The following FZR1 variants were observed in gnomAD, a reference collection of about 807,000 sequenced individuals.
FZR1 encodes fizzy and cell division cycle 20 related 1.
A neutral mutation model predicts 63.6 loss-of-function variants in FZR1; 11 were observed. The observed-to-expected ratio is 0.17, with a 90% CI of 0.11 to 0.29. The LOEUF is 0.29. Ranked by LOEUF, FZR1 falls within the 10% of genes least tolerant of loss-of-function variation. FZR1 has a pLI of 1.00. For synonymous variants in FZR1, 328 were observed against 297.9 expected (o/e 1.10, Z -1.04); for missense variants, 440 against 687.5 (o/e 0.64, Z 4.03).
chr19:3,526,297 C>T lies in FZR1; in HGVS notation c.298C>T (p.Leu100=), dbSNP rs1218684445. ...CTCTGCCCTGCTCAAGAATGAGCTG[C>T]TGGGTGCCGGCATCGAGAAGGTGCA... ...AYSALLKNEL[L]GAGIEKVQDP... is the part of the protein sequence containing the mutation. Residue 100 remains leucine (L), a synonymous_variant, in exon 5 of 14, where the codon CTG becomes TTG. Coordinates refer to ENST00000441788, the MANE Select transcript of FZR1 (RefSeq NM_016263.4). This position sits in a 1 kb window ranked among gnomAD's most constrained non-coding sequence, Gnocchi z 5.4. 6.2e-7 allele frequency: 1 copy of T among 1,608,662 alleles called. No individual in the cohort carries two copies. The highest frequency in any genetic ancestry group is 8.5e-7 in the Non-Finnish European group (1 of 1,178,162).
rs1217263471 is a variant in FZR1 at position 3,529,154 on chromosome 19, ATGGGAGAGCGGT to A, written c.654+1364_654+1375del. ...GATGGGAGAGCGGATGGGAGAGCGG[ATGGGAGAGCGGT>A]TGGGAGAGCGGTTGGGAGAGCGGAT... On this transcript the variant is annotated intron_variant, in intron 7 of 13. Transcript: ENST00000441788. Among the ~76,000 whole-genome samples, 317 of 38,850 alleles carry A rather than the reference ATGGGAGAGCGGT, an allele frequency of 8.2e-3. 1 individual carries two copies. The highest frequency in any genetic ancestry group is 0.012 in the Non-Finnish European group (243 of 21,120). 25.5% of individuals were successfully genotyped at this position (38,850 alleles called of 152,430 possible). A position where few individuals can be genotyped will look rare whatever the true frequency, so the allele number is the denominator to read the frequency against.
intron 1 of FZR1, among the ~76,000 whole-genome samples, chr19:3,511,266 C>T (rs1340700947): frequency 6.6e-6 from 1 of 152,200 alleles, no homozygotes; most frequent in Non-Finnish European, 1.5e-5. Flanking sequence ...TATCTGCAGG[C>T]ACCATTTGGA....
intron 1 of FZR1, among the ~76,000 whole-genome samples, chr19:3,522,679 G>T (rs553093164): frequency 6.6e-6 from 1 of 152,172 alleles, no homozygotes; most frequent in Admixed American, 6.5e-5. Flanking sequence ...CCCAGCCCCC[G>T]CCTCCCTCCT....
intron 7 of FZR1, among the ~76,000 whole-genome samples, chr19:3,530,093 G>A (rs1394312494): frequency 8.6e-6 from 1 of 116,002 alleles, no homozygotes; most frequent in Non-Finnish European, 1.8e-5. Flanking sequence ...TGGGAGAGTG[G>A]ATGAGAGTGG....
chr19:3,530,909 C>T (rs774614767), intron 8 of FZR1, 52 bp downstream of exon 8: 18 of 1,439,818 alleles, frequency 1.3e-5, no homozygotes, highest in Non-Finnish European at 1.7e-5. Context: ...GGGCTCTTGA[C>T]AGTGTTGGGG....
In FZR1 at chr19:3,532,087, G is replaced by A; in HGVS notation, c.1000G>A (p.Asp334Asn). Residue 334 changes from aspartate to asparagine, a missense_variant, in exon 10 of 14, where the codon GAC becomes AAC. Around this residue, in one of 5 missense-constraint regions of FZR1, gnomAD observed 208 missense variants for 363.6 expected, o/e 0.57. Coordinates refer to ENST00000441788, the MANE Select transcript of FZR1 (RefSeq NM_016263.4). ...DHQLLASGGN[D>N]NKLLVWNHSS... ...CCAGCTCCTCGCCTCGGGGGGCAAC[G>A]ACAACAAGGTACCCCCGCCCAGAGC... 2 of 1,509,314 alleles carry A rather than the reference G, an allele frequency of 1.3e-6. No individual in the cohort carries two copies. Among genetic ancestry groups the A allele is most frequent in the Non-Finnish European group, 1.8e-6 (2 of 1,130,216 alleles). The allele number at this position is 1,509,314 out of a possible 1,614,324, so 93.5% of individuals were successfully genotyped here.
At chr19:3,507,578 T>C (rs931748448) in intron 1 of FZR1, among the ~76,000 whole-genome samples, 13 of 152,026 alleles carry the variant, frequency 8.6e-5, no homozygotes, top group African/African-American at 2.7e-4. Flanking sequence ...TGCCTCTCCG[T>C]GGTGAGGCCC....
intron 1 of FZR1, among the ~76,000 whole-genome samples, chr19:3,520,676 T>C (rs1446846303): frequency 1.3e-5 from 2 of 152,220 alleles, no homozygotes; most frequent in Non-Finnish European, 2.9e-5. Context: ...CAGCGCTGCC[T>C]GCGGGCTCTT....
In FZR1 at chr19:3,535,527, C is replaced by A. The variant is rs67967456; in HGVS notation, c.*691C>A. On this transcript the variant is annotated 3_prime_UTR_variant, in exon 14 of 14. Coordinates refer to ENST00000441788, the MANE Select transcript of FZR1 (RefSeq NM_016263.4). The stretch of plus-strand genomic sequence containing the variant: ...GGCGGTCAGTGGGCTTCAGATGGGC[C>A]TGTGCATCCTGGCCAAGCGTCACCC... The A allele has an allele frequency of 0.18, 26,817 of 152,858 alleles. 2,552 individuals are homozygous for A. Among genetic ancestry groups the A allele is most frequent in the African/African-American group, 0.23 (9,447 of 41,558 alleles). 9.5% of individuals were successfully genotyped at this position (152,858 alleles called of 1,614,324 possible).
rs1350973455 is a variant in FZR1 at position 3,532,526 on chromosome 19, C to CG, written c.1124dup (p.Gly376ArgfsTer4). On this transcript the variant is annotated frameshift_variant, in exon 11 of 14. Coordinates refer to ENST00000441788, the MANE Select transcript of FZR1 (RefSeq NM_016263.4). LOFTEE classifies it high-confidence loss of function. ...CCACATCAGCACGGGCTGCTGGCCT[C>CG]GGGGGGCGGCACAGCTGACCGCTGT... 1 of 1,611,802 alleles carries CG rather than the reference C, an allele frequency of 6.2e-7. No individual in the cohort carries two copies. Among genetic ancestry groups the CG allele is most frequent in the Non-Finnish European group, 8.5e-7 (1 of 1,179,216 alleles).
chr19:3,526,025 C>A lies in FZR1; in HGVS notation c.195+32C>A. On this transcript the variant is annotated intron_variant, in intron 3 of 13. Transcript: ENST00000441788. The surrounding 1 kb of genome is among the most constrained non-coding windows in gnomAD (Gnocchi z 5.4). ...GGCTGGCTGGGCAGGAGATGGGACC[C>A]CCCGGGAAGCCCAGGGCCCCTCCCA... 6.2e-7 allele frequency: 1 copy of A among 1,611,338 alleles called. No homozygotes were observed. Among genetic ancestry groups the A allele is most frequent in the Non-Finnish European group, 8.5e-7 (1 of 1,179,262 alleles).
intron 1 of FZR1, among the ~76,000 whole-genome samples, chr19:3,511,223 C>G (rs1240191533): frequency 6.6e-6 from 1 of 152,236 alleles, no homozygotes. Context: ...TCGGTGGTAC[C>G]AGGAGGCTGG....
chr19:3,534,064 C>CA (rs113657846), intron 12 of FZR1, among the ~76,000 whole-genome samples: 2 of 151,506 alleles, frequency 1.3e-5, no homozygotes, highest in African/African-American at 4.9e-5. Flanking sequence ...CTCTACAAAA[C>CA]TTTTTTTAAA....
In FZR1 at chr19:3,515,766, TAA is replaced by T. The variant is rs11357702; in HGVS notation, c.-34-7175_-34-7174del. Among the ~76,000 whole-genome samples the T allele has an allele frequency of 1.9e-3, 254 of 134,334 alleles. No individual in the cohort carries two copies. The highest frequency in any genetic ancestry group is 4.0e-3 in the Middle Eastern group (1 of 252). 88.1% of individuals were successfully genotyped at this position (134,334 alleles called of 152,430 possible). A position where few individuals can be genotyped will look rare whatever the true frequency, so the allele number is the denominator to read the frequency against. On this transcript the variant is annotated intron_variant, in intron 1 of 13. Coordinates refer to ENST00000441788, the MANE Select transcript of FZR1 (RefSeq NM_016263.4). This position sits in a 1 kb window ranked among gnomAD's most constrained non-coding sequence, Gnocchi z 4.6. The stretch of plus-strand genomic sequence containing the variant: ...GGGTGACAGAGCCAGACTCCGTCTC[TAA>T]AAAAAAAAAAAAAAGGAATTCAAGA...
chr19:3,531,093 G>A (rs931397203), intron 8 of FZR1, among the ~76,000 whole-genome samples: 1 of 152,110 alleles, frequency 6.6e-6, no homozygotes, highest in East Asian at 1.9e-4. Context: ...GGGAAATAAC[G>A]CCCCAGTTCC....
chr19:3,511,945 C>T lies in FZR1; in HGVS notation c.-35+5471C>T, dbSNP rs547208267. 1.8e-4 allele frequency among the ~76,000 whole-genome samples: 27 copies of T among 152,298 alleles called. 2 individuals carry two copies. In the South Asian group the frequency reaches 5.4e-3, roughly 30 times the overall value. ...GCTCCCTGCAGAGATCTCTGTGCCT[C>T]AGTGGTCTCTCCGCTAGGCCCCGGC... On this transcript the variant is annotated intron_variant, in intron 1 of 13. Coordinates refer to ENST00000441788, the MANE Select transcript of FZR1 (RefSeq NM_016263.4).
rs1763460591 is a variant in FZR1 at position 3,535,795 on chromosome 19, T to G, written c.*959T>G. 1.3e-5 allele frequency: 2 copies of G among 152,488 alleles called. No individual in the cohort carries two copies. The highest frequency in any genetic ancestry group is 2.9e-5 in the Non-Finnish European group (2 of 68,130). The allele number at this position is 152,488 out of a possible 1,614,324, so 9.4% of individuals were successfully genotyped here. Reference sequence around the variant, plus strand: ...GTGGCCCCCGCCCCCAGGCTGCCTGTGTCTTCACCTGTCCTGTCCACCAGC... The same window carrying G: ...GTGGCCCCCGCCCCCAGGCTGCCTGGGTCTTCACCTGTCCTGTCCACCAGC... On this transcript the variant is annotated 3_prime_UTR_variant, in exon 14 of 14. Transcript: ENST00000441788.
At position 3,533,066 on chromosome 19, in the gene FZR1, C is replaced by T. The variant is rs2083263971; in HGVS notation, c.1243-228C>T. Among the ~76,000 whole-genome samples, 2 of 152,120 alleles carry T rather than the reference C, an allele frequency of 1.3e-5. No homozygotes were observed. The highest frequency in any genetic ancestry group is 2.9e-5 in the Non-Finnish European group (2 of 67,994). ...AGGGGCTGTGGGCCCCGTTTGGGTCCTTGTTGGGCTCCAGCCTTTGGCGGT... is the reference window on the plus strand; with the variant it reads ...AGGGGCTGTGGGCCCCGTTTGGGTCTTTGTTGGGCTCCAGCCTTTGGCGGT... On this transcript the variant is annotated intron_variant, in intron 11 of 13. Transcript: ENST00000441788. The surrounding 1 kb of genome is among the most constrained non-coding windows in gnomAD (Gnocchi z 4.9).
At chr19:3,529,737 TGGATGGGTGAGCGCATGG>T (rs2083214535) in intron 7 of FZR1, among the ~76,000 whole-genome samples, 1 of 46,620 alleles carries the variant, frequency 2.1e-5, no homozygotes, top group African/African-American at 1.4e-4. Context: ...GATGGGAGAG[TGGATGGGTGAGCGCATGG>T]GAGCGCATGG....
Sources: allele counts gnomAD v4.1 joint callset (sites outside exome capture counted in the v4.1 genomes callset), GRCh38; gene constraint gnomAD v4.1.1; regional missense constraint gnomAD v4.1.1; non-coding constraint Gnocchi (gnomAD v3.1); transcripts MANE v1.5; gene names NCBI Gene and HGNC (gene_info 2026-07-23, HGNC 2026-07-21).